Variants in OR7C1 observed in about 807,000 individuals in gnomAD.
OR7C1 encodes olfactory receptor family 7 subfamily C member 1, also known as olfactory receptor 7C1.
For synonymous variants in OR7C1, 152 were observed against 160.7 expected (o/e 0.95, Z 0.41); for missense variants, 324 against 383.3 (o/e 0.85, Z 1.29).
At chr19:14,814,761 G>C (rs2044708450) in intron 1 of OR7C1, among the ~76,000 whole-genome samples, 1 of 152,244 alleles carries the variant, frequency 6.6e-6, no homozygotes, top group South Asian at 2.1e-4. Flanking sequence ...CCTCCTCTTG[G>C]CCAAAGGAAT....
exon 4 of OR7C1, chr19:14,800,334 A>G: frequency 1.6e-6 from 1 of 615,594 alleles, no homozygotes; most frequent in Non-Finnish European, 2.8e-6. Context: ...CTGGAAATGT[A>G]GTGTTAGTTC....
intron 2 of OR7C1, among the ~76,000 whole-genome samples, chr19:14,806,649 C>T (rs1167042583): frequency 6.6e-6 from 1 of 151,946 alleles, no homozygotes; most frequent in African/African-American, 2.4e-5. Context: ...GTTTTCCATT[C>T]CTGTGTTAGT....
chr19:14,819,164 A>G (rs2044730149), intron 1 of OR7C1, among the ~76,000 whole-genome samples: 1 of 148,136 alleles, frequency 6.8e-6, no homozygotes, highest in Non-Finnish European at 1.5e-5. Context: ...TTTTAAATTT[A>G]AAATTTTATT....
chr19:14,801,621 C>T (rs1478261046), intron 2 of OR7C1, among the ~76,000 whole-genome samples: 1 of 152,128 alleles, frequency 6.6e-6, no homozygotes, highest in Non-Finnish European at 1.5e-5. Context: ...TCAACTTGAT[C>T]AGTGTATTAG....
chr19:14,829,747 C>T (rs140228635), intron 1 of OR7C1, among the ~76,000 whole-genome samples: 1 of 152,088 alleles, frequency 6.6e-6, no homozygotes, highest in African/African-American at 2.4e-5. Flanking sequence ...CTTCTGGTGT[C>T]TTGGGTTCTG....
At chr19:14,803,270 G>A (rs1036712065) in intron 2 of OR7C1, among the ~76,000 whole-genome samples, 3 of 139,050 alleles carry the variant, frequency 2.2e-5, no homozygotes, top group African/African-American at 2.8e-5. Flanking sequence ...TCACACCACT[G>A]CACTCCAGCC....
Position 14,800,238 on chromosome 19 carries a change from C to A in OR7C1, c.-14+18G>T. 2 of 1,317,756 alleles carry A rather than the reference C, an allele frequency of 1.5e-6. No homozygotes were observed. Among genetic ancestry groups the A allele is most frequent in the Non-Finnish European group, 2.1e-6 (2 of 967,722 alleles). The allele number at this position is 1,317,756 out of a possible 1,614,324, so 81.6% of individuals were successfully genotyped here. The stretch of plus-strand genomic sequence containing the variant: ...TACATTTAATTTTAAGTGAAGGAAT[C>A]AATTAACAAAAGATTGCCTTTTTCT... On this transcript the variant is annotated intron_variant, in intron 4 of 4. Coordinates refer to ENST00000641666, the Ensembl canonical transcript of OR7C1.
chr19:14,832,627 A>G (rs2145086649), intron 1 of OR7C1, among the ~76,000 whole-genome samples: 1 of 151,326 alleles, frequency 6.6e-6, no homozygotes, highest in African/African-American at 2.4e-5. Context: ...GGGTTTCACC[A>G]TGTTGGCCAG....
In OR7C1 at chr19:14,824,219, T is replaced by C. The variant is rs546979046; in HGVS notation, c.-623+10855A>G. On this transcript the variant is annotated intron_variant, in intron 1 of 4. Transcript: ENST00000641666. ...CTTGAAACCAAAGAGAACAAAGAGG[T>C]AACTTTCTTTTTCAACTTTTATTTT... 16 of 152,268 alleles carry C rather than the reference T, an allele frequency of 1.1e-4. 1 individual carries two copies. The East Asian group carries it at 3.1e-3, about 29-fold the overall frequency. The allele number at this position is 152,268 out of a possible 1,614,324, so 9.4% of individuals were successfully genotyped here.
intron 1 of OR7C1, among the ~76,000 whole-genome samples, chr19:14,823,124 T>C (rs1265993498): frequency 2.0e-5 from 3 of 152,198 alleles, no homozygotes; most frequent in African/African-American, 4.8e-5. Flanking sequence ...GGAAGGTTTA[T>C]AGCTTCAGGT....
intron 2 of OR7C1, among the ~76,000 whole-genome samples, 182 bp from the exon 3 acceptor site, chr19:14,800,946 C>A (rs964905640): frequency 6.6e-6 from 1 of 152,174 alleles, no homozygotes; most frequent in Non-Finnish European, 1.5e-5. Flanking sequence ...TCTCGGAGAC[C>A]CTTTTCTCTA....
exon 5 of OR7C1, chr19:14,799,301 G>C: frequency 6.2e-7 from 1 of 1,614,156 alleles, no homozygotes; most frequent in Middle Eastern, 1.6e-4. Context: ...GGTGACCATG[G>C]TGTACATCAC....
intron 1 of OR7C1, among the ~76,000 whole-genome samples, chr19:14,830,213 T>C (rs1196380001): frequency 6.6e-6 from 1 of 152,166 alleles, no homozygotes; most frequent in Non-Finnish European, 1.5e-5. Context: ...AATGTAGAAT[T>C]GGTACAAGAA....
At chr19:14,804,163 G>A (rs1041977632) in intron 2 of OR7C1, among the ~76,000 whole-genome samples, 8 of 152,288 alleles carry the variant, frequency 5.3e-5, no homozygotes, top group Admixed American at 2.6e-4. Flanking sequence ...AGGAAGTTAA[G>A]GCAAAGGCTG....
intron 2 of OR7C1, among the ~76,000 whole-genome samples, chr19:14,803,920 A>G (rs1224874453): frequency 6.6e-6 from 1 of 152,008 alleles, no homozygotes; most frequent in African/African-American, 2.4e-5. Flanking sequence ...CGTGTTAGCC[A>G]TGATGGTCTT....
chr19:14,821,035 C>T (rs772066301), intron 1 of OR7C1, among the ~76,000 whole-genome samples: 27 of 151,874 alleles, frequency 1.8e-4, no homozygotes, highest in African/African-American at 5.5e-4. Context: ...GGGTGGATCA[C>T]GAGACCTGCC....
At chr19:14,809,584 A>G (rs756685803) in intron 2 of OR7C1, among the ~76,000 whole-genome samples, 4 of 151,012 alleles carry the variant, frequency 2.6e-5, no homozygotes, top group Admixed American at 2.6e-4. Flanking sequence ...ACAGAGATTG[A>G]AAGCAAGAAG....
At chr19:14,819,715 C>T (rs1185612513) in intron 1 of OR7C1, among the ~76,000 whole-genome samples, 4 of 152,124 alleles carry the variant, frequency 2.6e-5, no homozygotes, top group Non-Finnish European at 5.9e-5. Flanking sequence ...ATATTTTAAT[C>T]CATTTCAGTT....
chr19:14,801,158 C>T (rs1342320113), intron 2 of OR7C1, among the ~76,000 whole-genome samples: 2 of 152,206 alleles, frequency 1.3e-5, no homozygotes, highest in Admixed American at 6.5e-5. Context: ...CAGCTCTTCT[C>T]ACCTTTGTTC....
Sources: allele counts gnomAD v4.1 joint callset (sites outside exome capture counted in the v4.1 genomes callset), GRCh38; gene constraint gnomAD v4.1.1; transcripts MANE v1.5; gene names NCBI Gene and HGNC (gene_info 2026-07-23, HGNC 2026-07-21).